The following DIP2C variants were observed in gnomAD, a reference collection of about 807,000 sequenced individuals.
DIP2C encodes the protein DIP2 acetate--CoA ligase C (putative), also known as disco-interacting protein 2 homolog C.
In DIP2C, 33 loss-of-function variants were observed where a neutral mutation model predicts 192.4. That is an observed-to-expected ratio of 0.17 (90% CI 0.13 to 0.23). DIP2C has a LOEUF of 0.23. Among genes scored for constraint, DIP2C ranks in the 10% least tolerant of loss-of-function variants. The probability of loss-of-function intolerance (pLI) is 1.00; values close to 1 mark genes in which losing one functional copy is unlikely to be tolerated. For synonymous variants in DIP2C, 979 were observed against 864.1 expected (o/e 1.13, Z -2.33); for missense variants, 1,537 against 2,110.1 (o/e 0.73, Z 5.32).
chr10:527,214 G>GT (rs1000240045), intron 1 of DIP2C, among the ~76,000 whole-genome samples: 9 of 152,204 alleles, frequency 5.9e-5, no homozygotes, highest in African/African-American at 2.2e-4. Context: ...ATCTGCAGCT[G>GT]TTTATCATCT....
At chr10:498,930 T>G (rs147990424) in intron 1 of DIP2C, among the ~76,000 whole-genome samples, 2 of 152,344 alleles carry the variant, frequency 1.3e-5, no homozygotes, top group East Asian at 3.9e-4. Context: ...GTTACTTATC[T>G]GCATGCCGGC....
At chr10:348,493 G>A in intron 26 of DIP2C, 148 bp downstream of exon 26, 2 of 1,271,784 alleles carry the variant, frequency 1.6e-6, no homozygotes, top group Non-Finnish European at 2.2e-6. Context: ...CTCCCTGCAG[G>A]TAGAGACCCT....
At chr10:548,846 C>A (rs187765593) in intron 1 of DIP2C, among the ~76,000 whole-genome samples, 1 of 126,732 alleles carries the variant, frequency 7.9e-6, no homozygotes, top group Non-Finnish European at 1.6e-5. Flanking sequence ...GTTTAAAGCA[C>A]GGTACAAATA....
At chr10:288,948 A>G (rs756167124) in intron 32 of DIP2C, among the ~76,000 whole-genome samples, 4 of 152,336 alleles carry the variant, frequency 2.6e-5, no homozygotes, top group Admixed American at 6.5e-5. Context: ...AAGAATACAT[A>G]ATGATAATTT....
At chr10:525,794 A>C (rs1308139580) in intron 1 of DIP2C, among the ~76,000 whole-genome samples, 1 of 152,202 alleles carries the variant, frequency 6.6e-6, no homozygotes, top group East Asian at 1.9e-4. Flanking sequence ...CATCTCAATG[A>C]GACAGCCGGG....
chr10:634,718 T>C (rs1854733546), intron 1 of DIP2C, among the ~76,000 whole-genome samples: 2 of 150,626 alleles, frequency 1.3e-5, no homozygotes, highest in Admixed American at 6.6e-5. Context: ...ACCATTGCAC[T>C]CCAGCCTGGG....
intron 1 of DIP2C, among the ~76,000 whole-genome samples, chr10:682,744 C>CA (rs78896185): frequency 0.084 from 11,851 of 141,528 alleles, 723 homozygotes; most frequent in African/African-American, 0.18. Context: ...GATAATTCAG[C>CA]AAAAAAAAAA....
At chr10:316,941 T>A (rs1002652224) in intron 31 of DIP2C, among the ~76,000 whole-genome samples, 1 of 152,254 alleles carries the variant, frequency 6.6e-6, no homozygotes, top group African/African-American at 2.4e-5. Context: ...GTAATTCATC[T>A]ACATTTGAGT....
chr10:333,284 C>T (rs1957584291), intron 29 of DIP2C, among the ~76,000 whole-genome samples: 2 of 152,200 alleles, frequency 1.3e-5, no homozygotes, highest in African/African-American at 2.4e-5. Context: ...CACAGAATGG[C>T]TTTTAATAAA....
At chr10:445,963 G>C (rs1318504197) in intron 3 of DIP2C, among the ~76,000 whole-genome samples, 1 of 150,562 alleles carries the variant, frequency 6.6e-6, no homozygotes, top group African/African-American at 2.5e-5. Context: ...CATCTGTTGT[G>C]AAGAGTCTCA....
intron 1 of DIP2C, among the ~76,000 whole-genome samples, chr10:519,062 T>A (rs1337910180): frequency 1.3e-5 from 2 of 152,210 alleles, no homozygotes; most frequent in African/African-American, 4.8e-5. Context: ...CAGATTGTCC[T>A]TCAACATCCA....
At chr10:612,769 G>A (rs1262639529) in intron 1 of DIP2C, among the ~76,000 whole-genome samples, 4 of 152,198 alleles carry the variant, frequency 2.6e-5, no homozygotes, top group African/African-American at 9.7e-5. Context: ...CATGTTCATT[G>A]CTTTGAACAG....
intron 31 of DIP2C, among the ~76,000 whole-genome samples, chr10:325,324 A>G (rs114043358): frequency 0.016 from 2,395 of 152,284 alleles, 52 homozygotes; most frequent in African/African-American, 0.055. Flanking sequence ...TAAATGAAAA[A>G]GTAAAGAGGA....
At chr10:283,534 T>C in intron 34 of DIP2C, 88 bp from the exon 35 acceptor site, 3 of 1,470,472 alleles carry the variant, frequency 2.0e-6, no homozygotes, top group Non-Finnish European at 2.8e-6. Context: ...TTCAGTACAT[T>C]ATATTCAGTG....
At chr10:531,870 C>A (rs532967128) in intron 1 of DIP2C, among the ~76,000 whole-genome samples, 30 of 152,360 alleles carry the variant, frequency 2.0e-4, no homozygotes, top group African/African-American at 7.2e-4. Context: ...CAGCACGCGG[C>A]AGCTTCCAGC....
At chr10:493,235 G>A (rs1844576273) in intron 1 of DIP2C, among the ~76,000 whole-genome samples, 1 of 152,180 alleles carries the variant, frequency 6.6e-6, no homozygotes, top group Non-Finnish European at 1.5e-5. Context: ...CTTCAGGCAA[G>A]CATAATTTCT....
chr10:592,894 G>A (rs186112107), intron 1 of DIP2C, among the ~76,000 whole-genome samples: 59 of 152,200 alleles, frequency 3.9e-4, no homozygotes, highest in Non-Finnish European at 6.5e-4. Flanking sequence ...AAACCAACTG[G>A]GTATTTGGAA....
chr10:525,266 T>G (rs1236935010), intron 1 of DIP2C, among the ~76,000 whole-genome samples: 2 of 152,204 alleles, frequency 1.3e-5, no homozygotes. Flanking sequence ...AGAATTTGAC[T>G]TCAGCAATTT....
At chr10:369,733 G>A (rs971909091) in intron 17 of DIP2C, 100 bp from the exon 18 acceptor site, 1 of 1,587,146 alleles carries the variant, frequency 6.3e-7, no homozygotes, top group Non-Finnish European at 8.6e-7. Context: ...GCACCTCTGG[G>A]CACAGTGCTG....
Sources: allele counts gnomAD v4.1 joint callset (sites outside exome capture counted in the v4.1 genomes callset), GRCh38; gene constraint gnomAD v4.1.1; transcripts MANE v1.5; gene names NCBI Gene and HGNC (gene_info 2026-07-23, HGNC 2026-07-21).